Variants in NTM observed in about 807,000 individuals in gnomAD.
NTM encodes the protein IgLON family member 2.
Under a neutral mutation model 42.1 loss-of-function variants are expected in NTM, and 13 were observed. That is an observed-to-expected ratio of 0.31 (90% CI 0.20 to 0.49). The LOEUF is 0.49. Among genes scored for constraint, NTM ranks in the 20% least tolerant of loss-of-function variants. NTM has a pLI of 0.99. For synonymous variants in NTM, 187 were observed against 179.2 expected (o/e 1.04, Z -0.35); for missense variants, 373 against 452.8 (o/e 0.82, Z 1.60).
intron 2 of NTM, among the ~76,000 whole-genome samples, chr11:131,948,714 G>A (rs373285025): frequency 6.6e-5 from 10 of 152,280 alleles, no homozygotes; most frequent in Admixed American, 4.6e-4. Flanking sequence ...TAGCAGAGGC[G>A]TCCATGCTGG....
chr11:132,233,377 G>A (rs114609135), intron 4 of NTM, among the ~76,000 whole-genome samples: 2,460 of 152,300 alleles, frequency 0.016, 64 homozygotes, highest in African/African-American at 0.054. Context: ...CCAAGACCGC[G>A]CCACTGCACT....
intron 7 of NTM, among the ~76,000 whole-genome samples, chr11:132,318,589 T>G (rs1426370452): frequency 1.3e-5 from 2 of 152,174 alleles, no homozygotes; most frequent in Non-Finnish European, 2.9e-5. Flanking sequence ...AGTGAGTGAC[T>G]CATTAAGACT....
chr11:132,189,078 G>T (rs2078889750), intron 3 of NTM, among the ~76,000 whole-genome samples: 1 of 152,166 alleles, frequency 6.6e-6, no homozygotes, highest in Non-Finnish European at 1.5e-5. Flanking sequence ...AACATTTTCT[G>T]GTGCTGATGT....
At chr11:131,611,668 G>A (rs139260154) in intron 1 of NTM, among the ~76,000 whole-genome samples, 12 of 152,268 alleles carry the variant, frequency 7.9e-5, no homozygotes, top group Admixed American at 6.5e-5. Context: ...GAAGCAGAAC[G>A]GAACTAATGA....
chr11:131,393,701 C>T (rs963763191), intron 1 of NTM, among the ~76,000 whole-genome samples: 2 of 152,236 alleles, frequency 1.3e-5, no homozygotes, highest in East Asian at 3.9e-4. Flanking sequence ...CTCCGCCCCT[C>T]CTTCCTTCCC....
At chr11:131,765,111 C>T (rs1426339696) in intron 1 of NTM, among the ~76,000 whole-genome samples, 5 of 152,168 alleles carry the variant, frequency 3.3e-5, no homozygotes, top group African/African-American at 9.7e-5. Context: ...TTAAAGAATG[C>T]TCTGTATGAG....
At chr11:132,203,897 TCAAAAAA>T (rs1484612645) in intron 3 of NTM, among the ~76,000 whole-genome samples, 1 of 138,390 alleles carries the variant, frequency 7.2e-6, no homozygotes, top group Non-Finnish European at 1.5e-5. Flanking sequence ...AGACTCCATC[TCAAAAAA>T]CAAAAAACAG....
chr11:131,535,588 C>G (rs1202311764), intron 1 of NTM: 2 of 152,158 alleles, frequency 1.3e-5, no homozygotes, highest in Admixed American at 1.3e-4. Context: ...CCTCCCATTC[C>G]AGGTGCACAG....
chr11:132,157,523 C>T (rs968817813), intron 3 of NTM, among the ~76,000 whole-genome samples: 3 of 152,110 alleles, frequency 2.0e-5, no homozygotes, highest in African/African-American at 2.4e-5. Flanking sequence ...GGAAAGACAC[C>T]TCTGCCAAAT....
At chr11:131,665,967 A>G (rs570206553) in intron 1 of NTM, among the ~76,000 whole-genome samples, 1 of 152,388 alleles carries the variant, frequency 6.6e-6, no homozygotes, top group African/African-American at 2.4e-5. Flanking sequence ...ATTGCTCAGT[A>G]TCCAGTTTTG....
rs872485 is a variant in NTM at position 131,675,566 on chromosome 11, A to G, written c.83-235998A>G. Among the ~76,000 whole-genome samples, 619 of 152,278 alleles carry G rather than the reference A, an allele frequency of 4.1e-3. 4 individuals are homozygous for G. Among genetic ancestry groups the G allele is most frequent in the African/African-American group, 0.014 (602 of 41,556 alleles). ...GAGGTAGGATTATCTCATTTTAACC[A>G]AAGGAGACTCTGAGGCCGAGGGAGG... On this transcript the variant is annotated intron_variant, in intron 1 of 8. Coordinates refer to ENST00000683400, the MANE Select transcript of NTM (RefSeq NM_001352005.2).
chr11:131,724,240 A>T (rs1420997853), intron 1 of NTM, among the ~76,000 whole-genome samples: 1 of 152,118 alleles, frequency 6.6e-6, no homozygotes, highest in Non-Finnish European at 1.5e-5. Context: ...TGCTTGTCTG[A>T]TACGTAGCTG....
intron 1 of NTM, among the ~76,000 whole-genome samples, chr11:131,892,753 AC>A (rs1326271757): frequency 3.9e-5 from 6 of 152,206 alleles, no homozygotes; most frequent in Admixed American, 2.6e-4. Flanking sequence ...CATAGCTTTG[AC>A]CTTGCCCAGG....
At chr11:131,479,570 T>C (rs1953326196) in intron 1 of NTM, among the ~76,000 whole-genome samples, 1 of 152,162 alleles carries the variant, frequency 6.6e-6, no homozygotes, top group Non-Finnish European at 1.5e-5. Flanking sequence ...CCTTGGGCCC[T>C]AGAGAGCACC....
intron 1 of NTM, among the ~76,000 whole-genome samples, chr11:131,861,033 C>G (rs1480675844): frequency 3.3e-5 from 5 of 152,158 alleles, no homozygotes; most frequent in South Asian, 2.1e-4. Context: ...TAATCTTAGT[C>G]CCCTAGGATT....
chr11:131,548,713 C>A (rs938639964), intron 1 of NTM, among the ~76,000 whole-genome samples: 1 of 152,096 alleles, frequency 6.6e-6, no homozygotes, highest in African/African-American at 2.4e-5. Context: ...TATGTGATAT[C>A]TATCAAATGC....
chr11:131,699,927 T>C (rs994218648), intron 1 of NTM, among the ~76,000 whole-genome samples: 3 of 110,184 alleles, frequency 2.7e-5, no homozygotes, highest in African/African-American at 9.0e-5. Flanking sequence ...TGTGTGTGTG[T>C]GTGTGTGTGT....
At chr11:131,894,798 A>G (rs971480551) in intron 1 of NTM, among the ~76,000 whole-genome samples, 5 of 152,142 alleles carry the variant, frequency 3.3e-5, no homozygotes, top group Non-Finnish European at 5.9e-5. Context: ...GGAAAATGTC[A>G]TTTTGGTGAC....
chr11:131,765,676 T>A (rs2084981647), intron 1 of NTM, among the ~76,000 whole-genome samples: 1 of 152,198 alleles, frequency 6.6e-6, no homozygotes, highest in Non-Finnish European at 1.5e-5. Context: ...AAATATAATC[T>A]TCATGAGGCC....
Sources: gnomAD v4.1 joint callset for allele counts (sites outside exome capture counted in the v4.1 genomes callset) on GRCh38, gnomAD v4.1.1 for gene constraint, MANE v1.5 for transcripts, NCBI Gene and HGNC (gene_info 2026-07-23, HGNC 2026-07-21) for gene names.